Variants in CDH8 observed in about 807,000 individuals in gnomAD.
CDH8 encodes the protein cadherin-8.
Under a neutral mutation model 68.1 loss-of-function variants are expected in CDH8, and 17 were observed. That is an observed-to-expected ratio of 0.25 (90% CI 0.17 to 0.37). The LOEUF (loss-of-function observed/expected upper bound fraction) is 0.37. Among genes scored for constraint, CDH8 ranks in the 10% least tolerant of loss-of-function variants. CDH8 has a pLI of 1.00. For missense variants in CDH8, 763 were observed against 999.3 expected, an observed-to-expected ratio of 0.76 and a Z score of 3.19; for synonymous variants, 372 against 365.1, an observed-to-expected ratio of 1.02 and a Z score of -0.21.
intron 10 of CDH8, among the ~76,000 whole-genome samples, chr16:61,674,599 T>C (rs992305251): frequency 6.6e-6 from 1 of 151,916 alleles, no homozygotes; most frequent in Non-Finnish European, 1.5e-5. Flanking sequence ...TCAGACAAAA[T>C]TCAAGATATG....
rs1324236067 is a variant in CDH8, at chr16:61,959,980, G to GTA, written c.253-58508_253-58507insTA. Among the ~76,000 whole-genome samples, 19 of 37,364 alleles carry GTA rather than the reference G, an allele frequency of 5.1e-4. 2 individuals are homozygous for GTA. Among genetic ancestry groups the GTA allele is most frequent in the Admixed American group, 2.8e-3 (9 of 3,180 alleles). The allele number at this position is 37,364 out of a possible 152,430, so 24.5% of individuals were successfully genotyped here. A position where few individuals can be genotyped will look rare whatever the true frequency, so the allele number is the denominator to read the frequency against. On this transcript the variant is annotated intron_variant, in intron 2 of 11. Coordinates refer to ENST00000577390, the MANE Select transcript of CDH8 (RefSeq NM_001796.5). ...CTCTGTATGTGGTGTATGTGTGTGT[G>GTA]TGTGTATATATATATATATATATAT...
At chr16:61,975,287 T>A (rs1019402739) in intron 2 of CDH8, among the ~76,000 whole-genome samples, 3 of 152,144 alleles carry the variant, frequency 2.0e-5, no homozygotes, top group Admixed American at 2.0e-4. Flanking sequence ...AGCATCCTCC[T>A]GCCAAGAGAA....
At chr16:62,027,614 C>G (rs778921733) in intron 1 of CDH8, among the ~76,000 whole-genome samples, 1 of 152,150 alleles carries the variant, frequency 6.6e-6, no homozygotes, top group Non-Finnish European at 1.5e-5. Context: ...GAGCCATTAG[C>G]AGCCTGTTTC....
At chr16:61,910,026 A>G (rs1312563259) in intron 2 of CDH8, among the ~76,000 whole-genome samples, 1 of 152,172 alleles carries the variant, frequency 6.6e-6, no homozygotes, top group Non-Finnish European at 1.5e-5. Context: ...AGACTCCAAT[A>G]AAGTTCACAA....
chr16:61,662,087 G>GTTTTTTTTTTTTTTTTTTTTTTAT, intron 10 of CDH8, among the ~76,000 whole-genome samples: 4 of 92,790 alleles, frequency 4.3e-5, no homozygotes, highest in African/African-American at 8.0e-5. Context: ...TTTTACTTTA[G>GTTTTTTTTTTTTTTTTTTTTTTAT]TTTTTTTTTT....
At chr16:61,820,826 G>A in intron 6 of CDH8, 100 bp downstream of exon 6, 1 of 933,298 alleles carries the variant, frequency 1.1e-6, no homozygotes, top group Admixed American at 2.2e-5. Flanking sequence ...ACACCTACCA[G>A]CTGTGCAATT....
intron 4 of CDH8, among the ~76,000 whole-genome samples, chr16:61,854,964 A>G (rs1963013930): frequency 6.6e-6 from 1 of 152,160 alleles, no homozygotes; most frequent in Non-Finnish European, 1.5e-5. Context: ...ATACATATTT[A>G]TGTTTCATCT....
At chr16:61,765,997 T>C (rs1567459993) in intron 8 of CDH8, among the ~76,000 whole-genome samples, 1 of 152,010 alleles carries the variant, frequency 6.6e-6, no homozygotes, top group Admixed American at 6.6e-5. Flanking sequence ...TACTTAATTT[T>C]TTATTTTAAT....
At chr16:61,823,289 T>G (rs938998931) in intron 5 of CDH8, among the ~76,000 whole-genome samples, 1 of 151,814 alleles carries the variant, frequency 6.6e-6, no homozygotes, top group African/African-American at 2.4e-5. Flanking sequence ...TGTCACTCTC[T>G]CCCTGTCTCT....
At chr16:61,749,782 T>C (rs1249907520) in intron 8 of CDH8, among the ~76,000 whole-genome samples, 1 of 152,228 alleles carries the variant, frequency 6.6e-6, no homozygotes, top group East Asian at 1.9e-4. Context: ...GATACCTCTG[T>C]GTCTAATTCC....
intron 2 of CDH8, among the ~76,000 whole-genome samples, chr16:62,016,941 T>C (rs1044536677): frequency 6.6e-6 from 1 of 152,170 alleles, no homozygotes; most frequent in Non-Finnish European, 1.5e-5. Flanking sequence ...TCATGCCCAC[T>C]ACCTCAAAGA....
At chr16:61,698,140 AAC>A (rs1459286432) in intron 10 of CDH8, among the ~76,000 whole-genome samples, 3 of 152,234 alleles carry the variant, frequency 2.0e-5, no homozygotes, top group Non-Finnish European at 4.4e-5. Flanking sequence ...TCACTCATTT[AAC>A]AGTCTCTCAC....
chr16:61,737,152 T>C (rs940153583), intron 8 of CDH8, among the ~76,000 whole-genome samples: 1 of 152,188 alleles, frequency 6.6e-6, no homozygotes, highest in Admixed American at 6.5e-5. Context: ...CTGCCAAGTC[T>C]AAGTTACTTG....
chr16:61,778,243 G>A (rs941735295), intron 8 of CDH8, among the ~76,000 whole-genome samples: 12 of 152,046 alleles, frequency 7.9e-5, no homozygotes, highest in African/African-American at 2.4e-4. Flanking sequence ...TCTTTATGGT[G>A]CTCTCGCTCT....
chr16:61,656,585 G>A (rs567463976), intron 10 of CDH8, among the ~76,000 whole-genome samples: 204 of 152,258 alleles, frequency 1.3e-3, no homozygotes, highest in Non-Finnish European at 2.3e-3. Context: ...TTTACTACCC[G>A]GAGGAGATAT....
chr16:61,973,939 T>C (rs1310539464), intron 2 of CDH8, among the ~76,000 whole-genome samples: 1 of 152,222 alleles, frequency 6.6e-6, no homozygotes, highest in African/African-American at 2.4e-5. Context: ...CAGGTTTGCG[T>C]TGTCAGACTC....
At chr16:61,958,860 C>G (rs1245307306) in intron 2 of CDH8, among the ~76,000 whole-genome samples, 2 of 152,122 alleles carry the variant, frequency 1.3e-5, no homozygotes, top group African/African-American at 2.4e-5. Flanking sequence ...ACAGGAGGCT[C>G]TCCCTGATCT....
chr16:61,959,409 A>G (rs1014998820), intron 2 of CDH8, among the ~76,000 whole-genome samples: 3 of 152,128 alleles, frequency 2.0e-5, no homozygotes, highest in African/African-American at 7.2e-5. Flanking sequence ...TGAAAAATTA[A>G]GAATCTCGAG....
At chr16:61,839,455 G>A (rs1962639342) in intron 4 of CDH8, among the ~76,000 whole-genome samples, 1 of 152,186 alleles carries the variant, frequency 6.6e-6, no homozygotes, top group South Asian at 2.1e-4. Flanking sequence ...CTGGTATTAT[G>A]AAGAAATTCT....
Sources: allele counts gnomAD v4.1 joint callset (sites outside exome capture counted in the v4.1 genomes callset), GRCh38; gene constraint gnomAD v4.1.1; transcripts MANE v1.5; gene names NCBI Gene and HGNC (gene_info 2026-07-23, HGNC 2026-07-21).